LRRC4C: variants seen among roughly 807,000 people sequenced by gnomAD.
LRRC4C encodes leucine-rich repeat-containing protein 4C.
A neutral mutation model predicts 33.6 loss-of-function variants in LRRC4C; 5 were observed. The ratio of observed to expected loss-of-function variants is 0.15; its 90% CI spans 0.08 to 0.31. The LOEUF (loss-of-function observed/expected upper bound fraction) is 0.31, where lower values mean the gene tolerates loss of function less well. Among genes scored for constraint, LRRC4C ranks in the 10% least tolerant of loss-of-function variants. LRRC4C has a pLI of 1.00. For missense variants in LRRC4C, 560 were observed against 796.7 expected, an observed-to-expected ratio of 0.70 and a Z score of 3.58; for synonymous variants, 329 against 302.0, an observed-to-expected ratio of 1.09 and a Z score of -0.93.
chr11:41,325,576 TTTGTGTGTGTGTGTG>T (rs1951088759), intron 1 of LRRC4C, among the ~76,000 whole-genome samples: 1 of 65,470 alleles, frequency 1.5e-5, no homozygotes, highest in South Asian at 4.4e-4. Flanking sequence ...GTTTTTTTTT[TTTGTGTGTGTGTGTG>T]TGTGTGTGTG....
At chr11:41,149,924 T>C (rs1943917343) in intron 1 of LRRC4C, among the ~76,000 whole-genome samples, 2 of 152,240 alleles carry the variant, frequency 1.3e-5, no homozygotes, top group Non-Finnish European at 2.9e-5. Flanking sequence ...AAGATACTCA[T>C]TTGTAGGCTG....
At chr11:41,252,920 T>A (rs895335293) in intron 1 of LRRC4C, among the ~76,000 whole-genome samples, 6 of 152,112 alleles carry the variant, frequency 3.9e-5, no homozygotes, top group African/African-American at 1.4e-4. Flanking sequence ...CATGATTCAA[T>A]TACCTCCCAC....
intron 5 of LRRC4C, among the ~76,000 whole-genome samples, chr11:40,186,293 GTC>G (rs1861394416): frequency 6.6e-6 from 1 of 152,144 alleles, no homozygotes; most frequent in South Asian, 2.1e-4. Flanking sequence ...TTTTCTGAGT[GTC>G]TGGGAATTTC....
At chr11:40,371,279 A>T (rs1387226697) in intron 3 of LRRC4C, among the ~76,000 whole-genome samples, 3 of 152,088 alleles carry the variant, frequency 2.0e-5, no homozygotes, top group African/African-American at 7.2e-5. Flanking sequence ...GTTTACTTCT[A>T]TTCAAGTTTT....
At position 40,813,546 on chromosome 11, in the gene LRRC4C, C is replaced by T. The variant is rs143945536; in HGVS notation, c.-407+120089G>A. ...AGATTTGGGTGGGGACACAGCCAAA[C>T]CACATCATTCCACCCTGGCCCCTCC... On this transcript the variant is annotated intron_variant, in intron 2 of 6. Transcript: ENST00000528697. Among the ~76,000 whole-genome samples, 721 of 152,174 alleles carry T rather than the reference C, an allele frequency of 4.7e-3. 12 individuals carry two copies. The highest frequency in any genetic ancestry group is 0.017 in the African/African-American group (697 of 41,514).
intron 2 of LRRC4C, among the ~76,000 whole-genome samples, chr11:40,896,302 T>C (rs1955937183): frequency 6.6e-6 from 1 of 152,130 alleles, no homozygotes; most frequent in African/African-American, 2.4e-5. Flanking sequence ...ATAAATAACC[T>C]AAATAACCAT....
intron 2 of LRRC4C, among the ~76,000 whole-genome samples, chr11:40,726,267 A>C (rs1352519525): frequency 6.6e-6 from 1 of 152,152 alleles, no homozygotes; most frequent in Non-Finnish European, 1.5e-5. Context: ...ATTCCAGAAA[A>C]ATCAAGGAGG....
intron 2 of LRRC4C, among the ~76,000 whole-genome samples, chr11:40,890,194 A>G (rs1288952173): frequency 1.3e-5 from 2 of 152,200 alleles, no homozygotes; most frequent in Non-Finnish European, 2.9e-5. Flanking sequence ...CTGTGTTGCT[A>G]TAACAGGATA....
At chr11:40,272,496 A>G (rs1392839275) in intron 4 of LRRC4C, among the ~76,000 whole-genome samples, 3 of 152,110 alleles carry the variant, frequency 2.0e-5, no homozygotes, top group Non-Finnish European at 2.9e-5. Context: ...ACCAAGATCC[A>G]TTGGAGAGAT....
chr11:40,865,249 G>C (rs1185042559), intron 2 of LRRC4C, among the ~76,000 whole-genome samples: 1 of 152,098 alleles, frequency 6.6e-6, no homozygotes, highest in Admixed American at 6.6e-5. Context: ...ACAGAATAGA[G>C]TATAACGGTT....
intron 3 of LRRC4C, among the ~76,000 whole-genome samples, chr11:40,554,861 A>G (rs555023994): frequency 1.0e-4 from 15 of 147,926 alleles, no homozygotes; most frequent in Admixed American, 1.0e-3. Flanking sequence ...AGCTGGGACT[A>G]CAGACGCCCG....
Position 40,187,095 on chromosome 11 carries a change from C to T in LRRC4C, c.-95-46242G>A, listed in dbSNP as rs368182737. 5.6e-4 allele frequency among the ~76,000 whole-genome samples: 86 copies of T among 152,294 alleles called. 1 individual carries two copies. The South Asian group carries it at 0.017, about 30-fold the overall frequency. On this transcript the variant is annotated intron_variant, in intron 5 of 6. Coordinates refer to ENST00000528697, the MANE Select transcript of LRRC4C (RefSeq NM_001258419.2). ...GGGGCTCAAATCGGATCATCTCTCC[C>T]TGCCTGGGAAAAAATAAAATAGAAT...
At chr11:41,251,310 A>G in intron 1 of LRRC4C, among the ~76,000 whole-genome samples, 1 of 152,190 alleles carries the variant, frequency 6.6e-6, no homozygotes, top group African/African-American at 2.4e-5. Context: ...AAATCTCATC[A>G]CTAACATCTA....
Position 40,114,319 on chromosome 11 carries a change from A to G in LRRC4C, c.*51T>C. ...AGCCCAGTCATTTGTGTCATTTTTA[A>G]TAAACTGTCTTTTTTTTTGATTGTT... On this transcript the variant is annotated 3_prime_UTR_variant, in exon 7 of 7. Transcript: ENST00000528697. 1 of 1,505,928 alleles carries G rather than the reference A, an allele frequency of 6.6e-7. No homozygotes were observed. The highest frequency in any genetic ancestry group is 8.9e-7 in the Non-Finnish European group (1 of 1,128,246). 93.3% of individuals were successfully genotyped at this position (1,505,928 alleles called of 1,614,324 possible). A position where few individuals can be genotyped will look rare whatever the true frequency, so the allele number is the denominator to read the frequency against.
chr11:40,696,057 GTGTA>G (rs1200136259), intron 2 of LRRC4C, among the ~76,000 whole-genome samples: 1 of 145,326 alleles, frequency 6.9e-6, no homozygotes, highest in Non-Finnish European at 1.5e-5. Context: ...GTGTGTGTGT[GTGTA>G]TATATGAGTG....
intron 1 of LRRC4C, among the ~76,000 whole-genome samples, chr11:41,271,434 A>C (rs1949317427): frequency 6.6e-6 from 1 of 152,020 alleles, no homozygotes; most frequent in Non-Finnish European, 1.5e-5. Context: ...CAAGGACATC[A>C]ACAGGTTTTT....
chr11:41,041,541 G>T (rs1462223), intron 1 of LRRC4C, among the ~76,000 whole-genome samples: 77,580 of 151,798 alleles, frequency 0.51, 20,369 homozygotes, highest in East Asian at 0.65. Flanking sequence ...ATTTTATAAA[G>T]ATTATTACAT....
intron 6 of LRRC4C, among the ~76,000 whole-genome samples, chr11:40,135,526 A>C (rs757440607): frequency 2.0e-5 from 3 of 152,216 alleles, no homozygotes; most frequent in Non-Finnish European, 4.4e-5. Context: ...AGAGCTGTAC[A>C]TGAAAAGCAA....
chr11:41,163,284 G>GTTTTTTGTTTTTTTTTTTTT (rs1944557035), intron 1 of LRRC4C, among the ~76,000 whole-genome samples: 1 of 73,382 alleles, frequency 1.4e-5, no homozygotes, highest in Non-Finnish European at 2.4e-5. Flanking sequence ...TACTGTAACT[G>GTTTTTTGTTTTTTTTTTTTT]TTTTTTTTTT....
Sources: gnomAD v4.1 joint callset for allele counts (sites outside exome capture counted in the v4.1 genomes callset) on GRCh38, gnomAD v4.1.1 for gene constraint, MANE v1.5 for transcripts, NCBI Gene and HGNC (gene_info 2026-07-23, HGNC 2026-07-21) for gene names.